Variants in CCPG1 observed in about 807,000 individuals in gnomAD.
CCPG1 encodes the protein cell cycle progression protein 1.
Under a neutral mutation model 81.3 loss-of-function variants are expected in CCPG1, and 46 were observed. The ratio of observed to expected loss-of-function variants is 0.57; its 90% CI spans 0.45 to 0.72. The LOEUF (loss-of-function observed/expected upper bound fraction) is 0.72. Ranked by LOEUF, CCPG1 falls within the 30% of genes least tolerant of loss-of-function variation. CCPG1 has a pLI of 0.00. For synonymous variants in CCPG1, 330 were observed against 305.2 expected (o/e 1.08, Z -0.85); for missense variants, 902 against 937.6 (o/e 0.96, Z 0.50).
In CCPG1 at chr15:55,359,619, A is replaced by G. The variant is rs781586452; in HGVS notation, c.2154T>C (p.Asn718=). ...CATCCAACTTCTCAAATACTCCATC[A>G]TTATCTACTTCATATTCCTTCATGT... ...LRNMKEYEVD[N]DGVFEKLDEY... is the part of the protein sequence containing the mutation. The change falls in exon 8 of 9, where the codon AAT becomes AAC. Residue 718 remains asparagine, a synonymous_variant. Coordinates refer to ENST00000442196, the MANE Select transcript of CCPG1 (RefSeq NM_001204450.2). The G allele has an allele frequency of 6.2e-7, 1 of 1,613,292 alleles. No homozygotes were observed. The highest frequency in any genetic ancestry group is 8.5e-7 in the Non-Finnish European group (1 of 1,179,674).
At chr15:55,378,479 ATATG>A in intron 3 of CCPG1, 103 bp from the exon 4 acceptor site, 1 of 593,422 alleles carries the variant, frequency 1.7e-6, no homozygotes, top group Non-Finnish European at 2.9e-6. Flanking sequence ...TCTCTTCCTA[ATATG>A]TTAGGATAGA....
At chr15:55,396,312 G>T (rs546343598) in intron 1 of CCPG1, among the ~76,000 whole-genome samples, 1 of 152,056 alleles carries the variant, frequency 6.6e-6, no homozygotes, top group African/African-American at 2.4e-5. Flanking sequence ...AGTTACAAAG[G>T]CTAAGAAATC....
At chr15:55,359,430 C>T (rs998132325) in intron 8 of CCPG1, 109 bp downstream of exon 8, 4 of 1,467,476 alleles carry the variant, frequency 2.7e-6, no homozygotes, top group Non-Finnish European at 3.6e-6. Flanking sequence ...CCATAAAGCA[C>T]AACTCTTAGA....
At chr15:55,386,590 T>C (rs1158640220) in intron 2 of CCPG1, among the ~76,000 whole-genome samples, 1 of 151,858 alleles carries the variant, frequency 6.6e-6, no homozygotes, top group Non-Finnish European at 1.5e-5. Context: ...CAGCAAAAAT[T>C]AAAAGAATTC....
At chr15:55,374,165 G>C (rs542461616) in intron 5 of CCPG1, 1 of 1,288,760 alleles carries the variant, frequency 7.8e-7, no homozygotes, top group African/African-American at 1.5e-5. Context: ...CTTGGAAAGC[G>C]AGTTGGCTAG....
chr15:55,368,590 G>C (rs1214824851), intron 6 of CCPG1, among the ~76,000 whole-genome samples: 2 of 152,310 alleles, frequency 1.3e-5, no homozygotes, highest in East Asian at 3.9e-4. Context: ...TTGGAATGTT[G>C]ATAGTCACAA....
At chr15:55,382,504 T>G (rs566472078) in intron 3 of CCPG1, among the ~76,000 whole-genome samples, 4 of 150,798 alleles carry the variant, frequency 2.7e-5, no homozygotes, top group African/African-American at 9.7e-5. Context: ...ATTTTCAGGA[T>G]CCACTTCTTT....
intron 3 of CCPG1, among the ~76,000 whole-genome samples, chr15:55,380,324 C>T (rs1326745246): frequency 6.7e-6 from 1 of 149,512 alleles, no homozygotes; most frequent in Non-Finnish European, 1.5e-5. Flanking sequence ...GAGACGGAGT[C>T]CCCCTCTGTC....
intron 1 of CCPG1, among the ~76,000 whole-genome samples, chr15:55,391,724 G>T (rs2056917273): frequency 6.6e-6 from 1 of 152,166 alleles, no homozygotes; most frequent in Non-Finnish European, 1.5e-5. Context: ...AAGCAGTGGA[G>T]AGTGCCTATT....
chr15:55,361,515 G>A (rs1336358691), intron 7 of CCPG1, among the ~76,000 whole-genome samples: 1 of 151,568 alleles, frequency 6.6e-6, no homozygotes, highest in Non-Finnish European at 1.5e-5. Flanking sequence ...AGACCATCCT[G>A]GCCTACGTGG....
At chr15:55,369,381 C>T (rs1170054814) in intron 6 of CCPG1, among the ~76,000 whole-genome samples, 31 of 152,096 alleles carry the variant, frequency 2.0e-4, no homozygotes, top group Admixed American at 2.0e-3. Context: ...ACTAAAAATA[C>T]AAAATTAGCT....
At chr15:55,396,786 T>C (rs1242625763) in intron 1 of CCPG1, among the ~76,000 whole-genome samples, 2 of 152,192 alleles carry the variant, frequency 1.3e-5, no homozygotes, top group African/African-American at 2.4e-5. Context: ...CACCATTATA[T>C]ACAGTTAACT....
chr15:55,365,419 G>GTT (rs111247245), intron 6 of CCPG1, 110 bp from the exon 7 acceptor site: 1,227 of 476,294 alleles, frequency 2.6e-3, no homozygotes, highest in Middle Eastern at 4.8e-3. Context: ...TCTTTTTTTT[G>GTT]TTTTTTTTTT....
chr15:55,386,072 T>A (rs1357749175), intron 2 of CCPG1, among the ~76,000 whole-genome samples: 7 of 152,060 alleles, frequency 4.6e-5, no homozygotes, highest in African/African-American at 1.7e-4. Context: ...ACAAGGCACT[T>A]CGCTAGATGC....
At chr15:55,382,408 C>G (rs569783829) in intron 3 of CCPG1, among the ~76,000 whole-genome samples, 65 of 152,268 alleles carry the variant, frequency 4.3e-4, no homozygotes, top group Middle Eastern at 6.8e-3. Flanking sequence ...TAGATTGCAT[C>G]TCAAGAAACT....
intron 1 of CCPG1, among the ~76,000 whole-genome samples, chr15:55,407,437 G>A (rs1433676471): frequency 6.6e-6 from 1 of 152,132 alleles, no homozygotes; most frequent in Non-Finnish European, 1.5e-5. Context: ...TAGATTGGAG[G>A]AGACAAATCT....
At chr15:55,392,001 AAAAC>A (rs1428389914) in intron 1 of CCPG1, among the ~76,000 whole-genome samples, 1 of 150,302 alleles carries the variant, frequency 6.7e-6, no homozygotes, top group Non-Finnish European at 1.5e-5. Context: ...AACATTGCAA[AAAAC>A]AAACAAAACG....
Position 55,385,586 on chromosome 15 carries a change from T to C in CCPG1, c.175+14A>G, listed in dbSNP as rs750414463. On this transcript the variant is annotated intron_variant, in intron 3 of 8. Coordinates refer to ENST00000442196, the MANE Select transcript of CCPG1 (RefSeq NM_001204450.2). ...TCATATTAAAAAAAAAATTAGAATT[T>C]GTGAACAACTTACCTCCTTGCTCTA... The C allele has an allele frequency of 7.2e-7, 1 of 1,394,442 alleles. No homozygotes were observed. Among genetic ancestry groups the C allele is most frequent in the Admixed American group, 2.1e-5 (1 of 46,676 alleles). 86.4% of individuals were successfully genotyped at this position (1,394,442 alleles called of 1,614,324 possible).
intron 5 of CCPG1, 93 bp from the exon 6 acceptor site, chr15:55,372,137 A>C (rs754216443): frequency 1.5e-5 from 18 of 1,213,360 alleles, no homozygotes; most frequent in Admixed American, 6.9e-5. Flanking sequence ...CATCCCTTAC[A>C]TGCCTTTCTA....
Sources: allele counts gnomAD v4.1 joint callset (sites outside exome capture counted in the v4.1 genomes callset), GRCh38; gene constraint gnomAD v4.1.1; transcripts MANE v1.5; gene names NCBI Gene and HGNC (gene_info 2026-07-23, HGNC 2026-07-21).